The following BLM variants were observed in gnomAD, a reference collection of about 807,000 sequenced individuals.
BLM encodes recQ-like DNA helicase BLM.
A neutral mutation model predicts 135.3 loss-of-function variants in BLM; 95 were observed. The observed-to-expected ratio is 0.70, with a 90% CI of 0.59 to 0.83. The LOEUF (loss-of-function observed/expected upper bound fraction) is 0.83. BLM is among the 40% of genes least tolerant of loss of function. BLM has a pLI of 0.00. For missense variants in BLM, 1,518 were observed against 1,663.9 expected (o/e 0.91, Z 1.53); for synonymous variants, 520 against 589.2 (o/e 0.88, Z 1.70).
At chr15:90,786,615 A>C in intron 14 of BLM, among the ~76,000 whole-genome samples, 1 of 152,132 alleles carries the variant, frequency 6.6e-6, no homozygotes, top group South Asian at 2.1e-4. Flanking sequence ...TTTACATGGA[A>C]GACCACACAC....
chr15:90,727,858 G>C (rs370476645), intron 1 of BLM, among the ~76,000 whole-genome samples: 2 of 150,402 alleles, frequency 1.3e-5, no homozygotes, highest in African/African-American at 4.9e-5. Context: ...AGTTCTTCCA[G>C]CAAAATATTG....
chr15:90,725,042 G>A (rs963762434), intron 1 of BLM, among the ~76,000 whole-genome samples: 1 of 152,114 alleles, frequency 6.6e-6, no homozygotes, highest in Non-Finnish European at 1.5e-5. Flanking sequence ...CTGAATAGCT[G>A]GGGTTATAGG....
rs1421330208 is a variant in BLM at position 90,798,229 on chromosome 15, A to G, written c.3250A>G (p.Ile1084Val). 1 of 1,609,916 alleles carries G rather than the reference A, an allele frequency of 6.2e-7. No homozygotes were observed. Among genetic ancestry groups the G allele is most frequent in the South Asian group, 1.1e-5 (1 of 90,906 alleles). The change falls in exon 17 of 22, where the codon ATT becomes GTT. Residue 1084 changes from isoleucine to valine, a missense_variant. By Grantham distance (29) the Ile-to-Val change is conservative (BLOSUM62 3). Coordinates refer to ENST00000355112, the MANE Select transcript of BLM (RefSeq NM_000057.4). ...TRDVTDDVKS[I>V]VRFVQEHSSS... The stretch of plus-strand genomic sequence containing the variant: ...AGATGTGACTGACGATGTGAAAAGT[A>G]TTGTAAGATTTGTTCAAGAACATAG...
At chr15:90,786,002 T>C (rs2097626) in intron 14 of BLM, among the ~76,000 whole-genome samples, 23,276 of 120,812 alleles carry the variant, frequency 0.19, 1,444 homozygotes, top group African/African-American at 0.32. Flanking sequence ...TTCTTTCTTT[T>C]TTTTTTTTTT....
intron 14 of BLM, chr15:90,790,306 C>A (rs1009037921): frequency 1.4e-5 from 5 of 351,162 alleles, no homozygotes; most frequent in South Asian, 4.8e-5. Context: ...GTGAGCAACA[C>A]CCCCCACACC....
chr15:90,765,271 A>ATATTT (rs759485467), intron 8 of BLM, 25 bp from the exon 9 acceptor site: 2 of 1,520,116 alleles, frequency 1.3e-6, no homozygotes, highest in Non-Finnish European at 1.8e-6. Flanking sequence ...AACCTGACAG[A>ATATTT]TATTTTTTCA....
intron 7 of BLM, among the ~76,000 whole-genome samples, chr15:90,761,951 A>G (rs1895999829): frequency 6.6e-6 from 1 of 152,372 alleles, no homozygotes; most frequent in South Asian, 2.1e-4. Context: ...TCAACCCTAT[A>G]AAGTTATCAA....
At chr15:90,770,176 C>G (rs958831017) in intron 12 of BLM, among the ~76,000 whole-genome samples, 6 of 141,070 alleles carry the variant, frequency 4.3e-5, no homozygotes, top group Non-Finnish European at 4.6e-5. Flanking sequence ...ATCCCCCCCC[C>G]CTTTTTTTTT....
At chr15:90,775,252 C>T (rs1896442296) in intron 12 of BLM, among the ~76,000 whole-genome samples, 1 of 151,824 alleles carries the variant, frequency 6.6e-6, no homozygotes, top group Admixed American at 6.6e-5. Flanking sequence ...GGGGCAGGTG[C>T]CTAGAACCAT....
intron 18 of BLM, 68 bp downstream of exon 18, chr15:90,803,788 A>G (rs1019124756): frequency 1.4e-6 from 2 of 1,477,444 alleles, no homozygotes; most frequent in African/African-American, 2.8e-5. Flanking sequence ...ATTGTGAAGT[A>G]TAGTGTCTTT....
chr15:90,803,671 A>T lies in BLM; in HGVS notation c.3509A>T (p.Tyr1170Phe), dbSNP rs746692894. ...YINANDQAIA[Y>F]VMLGNKAQTV... ...AATGCCAATGACCAGGCGATCGCTTATGTGATGCTCGGAAATAAAGCCCAA... is the reference window on the plus strand; with the variant it reads ...AATGCCAATGACCAGGCGATCGCTTTTGTGATGCTCGGAAATAAAGCCCAA... Residue 1170 changes from tyrosine to phenylalanine, a missense_variant, in exon 18 of 22, where the codon TAT (tyrosine) becomes TTT (phenylalanine). Tyr to Phe is a conservative substitution (Grantham distance 22). This residue lies in a region of BLM where 626 missense variants were observed against 681.1 expected (regional missense o/e 0.92). Transcript: ENST00000355112. 1 of 1,614,208 alleles carries T rather than the reference A, an allele frequency of 6.2e-7. No homozygotes were observed. Among genetic ancestry groups the T allele is most frequent in the African/African-American group, 1.3e-5 (1 of 75,066 alleles).
At chr15:90,720,935 T>C (rs982254472) in intron 1 of BLM, among the ~76,000 whole-genome samples, 1 of 152,278 alleles carries the variant, frequency 6.6e-6, no homozygotes, top group East Asian at 1.9e-4. Flanking sequence ...AGCACATGCC[T>C]ATGATCCCAG....
At chr15:90,785,171 C>T in intron 14 of BLM, 90 bp downstream of exon 14, 1 of 1,367,256 alleles carries the variant, frequency 7.3e-7, no homozygotes, top group Non-Finnish European at 1.0e-6. Flanking sequence ...CTGTTTTTAC[C>T]TTGAAGGTAG....
intron 17 of BLM, among the ~76,000 whole-genome samples, chr15:90,800,318 G>A (rs1897133786): frequency 1.3e-5 from 2 of 152,204 alleles, no homozygotes; most frequent in Non-Finnish European, 1.5e-5. Flanking sequence ...ACCCACCCAT[G>A]GGTCCAGTGA....
At chr15:90,760,093 G>T (rs760488675) in intron 5 of BLM, 54 bp from the exon 6 acceptor site, 6 of 1,510,586 alleles carry the variant, frequency 4.0e-6, no homozygotes, top group Non-Finnish European at 4.5e-6. Flanking sequence ...GCCTAGCCAA[G>T]ACTTTTTTTT....
rs559488160 is a variant in BLM at position 90,743,699 on chromosome 15, TTTTC to T, written c.-4-3686_-4-3683del. On this transcript the variant is annotated intron_variant, in intron 1 of 21. Transcript: ENST00000355112. ...AGACTACAGGCATGTTGGTGAACAA[TTTTC>T]TTTTTGTGTCCAACAATTGTATCGA... Among the ~76,000 whole-genome samples the T allele has an allele frequency of 1.6e-4, 25 of 152,262 alleles. No homozygotes were observed. The South Asian group carries it at 5.0e-3, about 30-fold the overall frequency.
rs1896237707 is a variant in BLM, at chr15:90,769,478, T to A, written c.2447T>A (p.Met816Lys). 1 of 1,614,070 alleles carries A rather than the reference T, an allele frequency of 6.2e-7. No individual in the cohort carries two copies. The highest frequency in any genetic ancestry group is 1.3e-5 in the African/African-American group (1 of 74,942). Residue 816 changes from methionine to lysine, a missense_variant, in exon 12 of 22, where the codon ATG becomes AAG. Transcript: ENST00000355112. ...CGTCAAGATTACAAAAGAATGAATA[T>A]GCTTCGCCAGAAGTTTCCTTCTGTT... ...DFRQDYKRMN[M>K]LRQKFPSVPV...
chr15:90,761,223 TA>T lies in BLM; in HGVS notation c.1853del (p.Asn618ThrfsTer17). On this transcript the variant is annotated frameshift_variant, in exon 7 of 22. Coordinates refer to ENST00000355112, the MANE Select transcript of BLM (RefSeq NM_000057.4). LOFTEE classifies it high-confidence loss of function. ...CLPVSSTAQN[I>X]NFSESIQNYT... ...CCAGTGTCATCTACTGCTCAAAATA[TA>T]AACTTCTCAGAGTCAATTCAGAATT... 1 of 1,535,744 alleles carries T rather than the reference TA, an allele frequency of 6.5e-7. No individual in the cohort carries two copies.
intron 17 of BLM, among the ~76,000 whole-genome samples, chr15:90,798,852 A>G (rs1897095909): frequency 6.6e-6 from 1 of 152,024 alleles, no homozygotes; most frequent in Non-Finnish European, 1.5e-5. Context: ...GCATGGTGGC[A>G]TGCACCTGTA....
Sources: allele counts gnomAD v4.1 joint callset (sites outside exome capture counted in the v4.1 genomes callset), GRCh38; gene constraint gnomAD v4.1.1; regional missense constraint gnomAD v4.1.1; transcripts MANE v1.5; gene names NCBI Gene and HGNC (gene_info 2026-07-23, HGNC 2026-07-21).